PHLDB2: variants seen among roughly 807,000 people sequenced by gnomAD.
The protein encoded by PHLDB2 is pleckstrin homology-like domain family B member 2.
In PHLDB2, 71 loss-of-function variants were observed where a neutral mutation model predicts 123.6. The ratio of observed to expected loss-of-function variants is 0.57; its 90% CI spans 0.47 to 0.70. The LOEUF (loss-of-function observed/expected upper bound fraction) is 0.70. Ranked by LOEUF, PHLDB2 falls within the 30% of genes least tolerant of loss-of-function variation. PHLDB2 has a pLI of 0.00. For synonymous variants in PHLDB2, 547 were observed against 541.6 expected, an observed-to-expected ratio of 1.01 and a Z score of -0.14; for missense variants, 1,446 against 1,519.5, an observed-to-expected ratio of 0.95 and a Z score of 0.80.
chr3:111,885,084 G>A lies in PHLDB2; in HGVS notation c.1007G>A (p.Arg336Gln), dbSNP rs772638369. ...SSTLSVPASP[R>Q]VARKMLLAST... ...ACCCTCAGTGTCCCTGCCAGTCCACGAGTGGCTCGGAAGATGCTTCTGGCC... is the reference window on the plus strand; with the variant it reads ...ACCCTCAGTGTCCCTGCCAGTCCACAAGTGGCTCGGAAGATGCTTCTGGCC... The change falls in exon 2 of 18, where the codon CGA becomes CAA. Residue 336 changes from arginine (R) to glutamine (Q), a missense_variant. Transcript: ENST00000431670. 1.5e-5 allele frequency: 25 copies of A among 1,614,130 alleles called. No homozygotes were observed. The highest frequency in any genetic ancestry group is 4.4e-5 in the South Asian group (4 of 91,084).
chr3:111,967,800 A>C lies in PHLDB2; in HGVS notation c.3291A>C (p.Lys1097Asn), dbSNP rs2071874058. Residue 1097 changes from lysine to asparagine, a missense_variant, in exon 15 of 18, where the codon AAA (lysine) becomes AAC (asparagine). By Grantham distance (94) the Lys-to-Asn change is moderately conservative. Transcript: ENST00000431670. Reference protein sequence around the residue: ...QRQKLIEKEVKIRERQRAQAR... With the variant: ...QRQKLIEKEVNIRERQRAQAR... ...AGAAGTTAATAGAAAAGGAAGTAAA[A>C]ATAAGGGAGAGACAAAGGGCACAGG... 1 of 1,611,060 alleles carries C rather than the reference A, an allele frequency of 6.2e-7. No homozygotes were observed. Among genetic ancestry groups the C allele is most frequent in the South Asian group, 1.1e-5 (1 of 90,656 alleles).
intron 5 of PHLDB2, among the ~76,000 whole-genome samples, chr3:111,921,667 A>G (rs559725925): frequency 8.3e-5 from 12 of 144,808 alleles, no homozygotes; most frequent in Non-Finnish European, 1.8e-4. Context: ...GCAGTGGCGC[A>G]ATCTCAGCTC....
intron 1 of PHLDB2, among the ~76,000 whole-genome samples, chr3:111,814,037 G>T (rs1251545113): frequency 6.6e-6 from 1 of 152,174 alleles, no homozygotes; most frequent in Non-Finnish European, 1.5e-5. Context: ...GTGAACATAA[G>T]TCTCCTTCAA....
At chr3:111,844,518 A>C (rs2063853247) in intron 1 of PHLDB2, among the ~76,000 whole-genome samples, 1 of 152,162 alleles carries the variant, frequency 6.6e-6, no homozygotes, top group South Asian at 2.1e-4. Context: ...TGTACCTCTC[A>C]GGTATATCAT....
At chr3:111,756,167 G>T (rs2059885239) in intron 1 of PHLDB2, among the ~76,000 whole-genome samples, 2 of 151,946 alleles carry the variant, frequency 1.3e-5, no homozygotes, top group Admixed American at 1.3e-4. Context: ...ATGTCTATTA[G>T]GTCCGCTTGG....
In PHLDB2 at chr3:111,732,570, A is replaced by G. The variant is rs780352277; in HGVS notation, c.-182A>G. 3.4e-6 allele frequency: 5 copies of G among 1,468,140 alleles called. No individual in the cohort carries two copies. The South Asian group carries it at 6.1e-5, about 18-fold the overall frequency. The allele number at this position is 1,468,140 out of a possible 1,614,324, so 90.9% of individuals were successfully genotyped here. A position where few individuals can be genotyped will look rare whatever the true frequency, so the allele number is the denominator to read the frequency against. On this transcript the variant is annotated 5_prime_UTR_variant, in exon 1 of 18. Coordinates refer to the PHLDB2 transcript ENST00000393923. ...GAACCTCACCTTCATGCTTGGGGAA[A>G]AGGAGAAACCTGTGTTAATGTGTCT...
At chr3:111,859,037 A>C, upstream of PHLDB2, 1 of 260,440 alleles carries the variant, frequency 3.8e-6, no homozygotes, top group South Asian at 1.4e-4. Flanking sequence ...TGAGTTTAAA[A>C]CCCTCCTGAC....
rs537424870 is a variant in PHLDB2, at chr3:111,798,416, G to C, written c.-48-47405G>C. Among the ~76,000 whole-genome samples, 13 of 152,188 alleles carry C rather than the reference G, an allele frequency of 8.5e-5. No homozygotes were observed. The South Asian group carries it at 2.5e-3, about 29-fold the overall frequency. On this transcript the variant is annotated intron_variant, in intron 1 of 17. Transcript: ENST00000393923. ...ATAGGAGAATTTTGGTATGTTCTAG[G>C]CTTCCTTGTGTTTACTTTTCATACT...
intron 9 of PHLDB2, among the ~76,000 whole-genome samples, chr3:111,946,043 A>AT (rs954963467): frequency 6.9e-6 from 1 of 145,490 alleles, no homozygotes; most frequent in South Asian, 2.3e-4. Context: ...ATATATATAT[A>AT]TTTTTTGAGA....
chr3:111,923,824 T>A (rs1276279789), intron 5 of PHLDB2, among the ~76,000 whole-genome samples: 2 of 152,194 alleles, frequency 1.3e-5, no homozygotes, highest in African/African-American at 4.8e-5. Context: ...AGCATTCTCT[T>A]CTCTATTATG....
At chr3:111,963,701 T>G (rs2071567044) in intron 13 of PHLDB2, among the ~76,000 whole-genome samples, 1 of 152,200 alleles carries the variant, frequency 6.6e-6, no homozygotes, top group Admixed American at 6.5e-5. Flanking sequence ...GAGACCAAGT[T>G]TGTGTGACTA....
intron 1 of PHLDB2, among the ~76,000 whole-genome samples, chr3:111,829,377 T>C (rs538321531): frequency 2.0e-5 from 3 of 147,426 alleles, no homozygotes; most frequent in South Asian, 4.4e-4. Context: ...CCATCCTGGA[T>C]TCCTGGTTCT....
At position 111,884,765 on chromosome 3, in the gene PHLDB2, G is replaced by T. The variant is rs542135601; in HGVS notation, c.688G>T (p.Ala230Ser). The T allele has an allele frequency of 1.7e-5, 27 of 1,614,086 alleles. No homozygotes were observed. In the South Asian group the frequency reaches 2.7e-4, roughly 16 times the overall value. The change falls in exon 2 of 18, where the codon GCA becomes TCA. Residue 230 changes from alanine (A) to serine (S), a missense_variant. Transcript: ENST00000431670. ...CAAGTTAACTAGACACAAGGAGCTT[G>T]CATCTGAAAACATCAATTTGAGAAC... ...QPKLTRHKEL[A>S]SENINLRTRK...
At chr3:111,894,956 G>A (rs991798183) in intron 2 of PHLDB2, among the ~76,000 whole-genome samples, 2 of 151,620 alleles carry the variant, frequency 1.3e-5, no homozygotes, top group African/African-American at 4.8e-5. Context: ...GTGTATGTAT[G>A]TATGTGTGGG....
At chr3:111,766,435 C>G (rs1489907501) in intron 1 of PHLDB2, among the ~76,000 whole-genome samples, 1 of 124,488 alleles carries the variant, frequency 8.0e-6, no homozygotes, top group South Asian at 2.6e-4. Context: ...CAGAGTGAGA[C>G]TCTGTCTCAA....
At chr3:111,814,324 C>T (rs1363541355) in intron 1 of PHLDB2, among the ~76,000 whole-genome samples, 1 of 145,718 alleles carries the variant, frequency 6.9e-6, no homozygotes, top group Non-Finnish European at 1.5e-5. Flanking sequence ...GACTAACAGC[C>T]TCCCAGCCTA....
At chr3:111,960,436 G>C (rs1488787867) in intron 12 of PHLDB2, among the ~76,000 whole-genome samples, 2 of 152,194 alleles carry the variant, frequency 1.3e-5, no homozygotes, top group Non-Finnish European at 2.9e-5. Context: ...AGAAATGTCT[G>C]AATCTGAAAT....
chr3:111,935,009 G>A (rs1331336062), intron 6 of PHLDB2, among the ~76,000 whole-genome samples: 1 of 150,928 alleles, frequency 6.6e-6, no homozygotes, highest in Non-Finnish European at 1.5e-5. Flanking sequence ...ATAATCAAAA[G>A]CACAAGAAAA....
At chr3:111,877,463 A>G (rs1466943317) in intron 1 of PHLDB2, among the ~76,000 whole-genome samples, 1 of 152,154 alleles carries the variant, frequency 6.6e-6, no homozygotes, top group South Asian at 2.1e-4. Context: ...GATTCTGGAT[A>G]TTAGCCCTTT....
Sources: allele counts gnomAD v4.1 joint callset (sites outside exome capture counted in the v4.1 genomes callset), GRCh38; gene constraint gnomAD v4.1.1; transcripts MANE v1.5; gene names NCBI Gene and HGNC (gene_info 2026-07-23, HGNC 2026-07-21).